The following MYO6 variants were observed in gnomAD, a reference collection of about 807,000 sequenced individuals.
MYO6 encodes the protein unconventional myosin-VI.
Under a neutral mutation model 178.7 loss-of-function variants are expected in MYO6, and 74 were observed. The ratio of observed to expected loss-of-function variants is 0.41; its 90% CI spans 0.34 to 0.50. The LOEUF (loss-of-function observed/expected upper bound fraction) is 0.50, where lower values mean the gene tolerates loss of function less well. Among genes scored for constraint, MYO6 ranks in the 20% least tolerant of loss-of-function variants. The pLI is 0.09. For synonymous variants in MYO6, 477 were observed against 504.6 expected (o/e 0.95, Z 0.73); for missense variants, 1,330 against 1,547.4 (o/e 0.86, Z 2.36).
intron 1 of MYO6, among the ~76,000 whole-genome samples, chr6:75,799,122 C>T (rs1011005638): frequency 3.3e-5 from 5 of 152,188 alleles, no homozygotes; most frequent in African/African-American, 9.6e-5. Flanking sequence ...GGCGCGGTGG[C>T]TCATGTCTGT....
chr6:75,812,338 G>A (rs1409161144), intron 1 of MYO6, among the ~76,000 whole-genome samples: 2 of 151,988 alleles, frequency 1.3e-5, no homozygotes, highest in African/African-American at 2.4e-5. Flanking sequence ...ATACATAGTA[G>A]GTGTGTATAT....
Position 75,919,517 on chromosome 6 carries a change from A to C in MYO6, c.*4505A>C, listed in dbSNP as rs1781318317. ...ATGTACTGGAAATACAAATAAATAA[A>C]TGCTCCCTGTGTAGAATTTCCACTT... On this transcript the variant is annotated 3_prime_UTR_variant, in exon 35 of 35. Coordinates refer to ENST00000369977, the MANE Select transcript of MYO6 (RefSeq NM_004999.4). The C allele has an allele frequency of 1.3e-5, 2 of 152,636 alleles. No individual in the cohort carries two copies. Among genetic ancestry groups the C allele is most frequent in the Admixed American group, 1.3e-4 (2 of 15,286 alleles). The allele number at this position is 152,636 out of a possible 1,614,324, so 9.5% of individuals were successfully genotyped here.
chr6:75,854,749 G>A (rs1215729970), intron 11 of MYO6, among the ~76,000 whole-genome samples: 1 of 152,052 alleles, frequency 6.6e-6, no homozygotes, highest in Non-Finnish European at 1.5e-5. Context: ...TACAGCGTTT[G>A]CACTAAAATT....
intron 1 of MYO6, among the ~76,000 whole-genome samples, chr6:75,774,815 C>T (rs539055600): frequency 4.7e-5 from 7 of 150,374 alleles, no homozygotes; most frequent in African/African-American, 7.3e-5. Context: ...TTTTTTTTGA[C>T]GGAGTCTCAC....
At chr6:75,820,877 T>C (rs1208985356) in intron 2 of MYO6, among the ~76,000 whole-genome samples, 1 of 152,164 alleles carries the variant, frequency 6.6e-6, no homozygotes, top group Non-Finnish European at 1.5e-5. Flanking sequence ...TTGTTTACTT[T>C]GTCTCTCCCT....
intron 1 of MYO6, among the ~76,000 whole-genome samples, chr6:75,805,977 T>A (rs552142289): frequency 4.5e-4 from 69 of 152,292 alleles, no homozygotes; most frequent in Non-Finnish European, 7.8e-4. Context: ...ATTGACCACA[T>A]GGATTTTCTG....
chr6:75,788,326 T>G (rs796490838), intron 1 of MYO6, among the ~76,000 whole-genome samples: 21 of 151,822 alleles, frequency 1.4e-4, no homozygotes, highest in African/African-American at 4.8e-4. Flanking sequence ...ATCGTGCCAC[T>G]GCACTCCAGC....
At chr6:75,896,871 G>T (rs963673010) in intron 29 of MYO6, among the ~76,000 whole-genome samples, 2 of 152,200 alleles carry the variant, frequency 1.3e-5, no homozygotes, top group Non-Finnish European at 2.9e-5. Flanking sequence ...AAATAAGCCC[G>T]CAATCAGTGT....
chr6:75,847,802 A>G (rs78554699), intron 10 of MYO6, among the ~76,000 whole-genome samples: 2,493 of 152,166 alleles, frequency 0.016, 73 homozygotes, highest in African/African-American at 0.057. Context: ...TAAAGGAGTC[A>G]TACTGATTGT....
At chr6:75,824,194 A>G (rs1772197714) in intron 3 of MYO6, among the ~76,000 whole-genome samples, 1 of 152,210 alleles carries the variant, frequency 6.6e-6, no homozygotes, top group Admixed American at 6.5e-5. Flanking sequence ...TAATATTTTA[A>G]AACATTCTCT....
At chr6:75,804,718 G>C (rs1457189134) in intron 1 of MYO6, among the ~76,000 whole-genome samples, 7 of 151,934 alleles carry the variant, frequency 4.6e-5, no homozygotes, top group Non-Finnish European at 1.0e-4. Context: ...CAGAATAAAT[G>C]ACTCCGTAAG....
At chr6:75,757,290 G>GTGTGTATATA (rs1398772876) in intron 1 of MYO6, among the ~76,000 whole-genome samples, 1 of 147,050 alleles carries the variant, frequency 6.8e-6, no homozygotes, top group Non-Finnish European at 1.5e-5. Flanking sequence ...CACAATATAT[G>GTGTGTATATA]TGTGTGTATG....
Position 75,914,840 on chromosome 6 carries a change from T to C in MYO6, c.3686T>C (p.Leu1229Pro), listed in dbSNP as rs1781028605. 1 of 1,614,034 alleles carries C rather than the reference T, an allele frequency of 6.2e-7. No individual in the cohort carries two copies. Among genetic ancestry groups the C allele is most frequent in the African/African-American group, 1.3e-5 (1 of 74,912 alleles). ...AGKDDMEMCE[L>P]NLEETGLTRK... The stretch of plus-strand genomic sequence containing the variant: ...AAGGACGACATGGAGATGTGTGAGC[T>C]GAATCTTGAGGAGACTGGCCTGACT... Residue 1229 changes from leucine to proline, a missense_variant, in exon 35 of 35, where the codon CTG (leucine) becomes CCG (proline). Physicochemically the swap from Leu to Pro is moderately conservative, Grantham distance 98. This residue lies in a region of MYO6 where 601 missense variants were observed against 626.1 expected (regional missense o/e 0.96). Transcript: ENST00000369977.
At chr6:75,856,484 C>CT (rs369616135) in intron 12 of MYO6, among the ~76,000 whole-genome samples, 2,517 of 138,652 alleles carry the variant, frequency 0.018, 49 homozygotes, top group African/African-American at 0.052. Flanking sequence ...ATTTGACTTT[C>CT]TTTTTTTTTT....
chr6:75,828,247 T>TC, intron 3 of MYO6, among the ~76,000 whole-genome samples: 1 of 152,306 alleles, frequency 6.6e-6, no homozygotes, highest in Admixed American at 6.5e-5. Flanking sequence ...AGTACTTTTT[T>TC]CCCTCTTGAA....
At chr6:75,750,704 G>C (rs965895107) in intron 1 of MYO6, among the ~76,000 whole-genome samples, 2 of 151,378 alleles carry the variant, frequency 1.3e-5, no homozygotes, top group Non-Finnish European at 2.9e-5. Flanking sequence ...TCAGCCGCCC[G>C]AGTGGCTGGG....
intron 15 of MYO6, among the ~76,000 whole-genome samples, chr6:75,861,356 G>A (rs1776202022): frequency 6.6e-6 from 1 of 152,114 alleles, no homozygotes. Context: ...ATGTGAATTG[G>A]TTAAGGGGGA....
chr6:75,812,469 A>G (rs1196086376), intron 1 of MYO6, among the ~76,000 whole-genome samples: 7 of 152,220 alleles, frequency 4.6e-5, no homozygotes, highest in Middle Eastern at 6.8e-3. Flanking sequence ...ATCCAAGTAT[A>G]CTATTTTAGT....
At position 75,915,072 on chromosome 6, in the gene MYO6, GC is replaced by G. The variant is rs1781051377; in HGVS notation, c.*65del. 2.7e-6 allele frequency: 4 copies of G among 1,471,830 alleles called. No homozygotes were observed. Among genetic ancestry groups the G allele is most frequent in the Admixed American group, 3.8e-5 (2 of 52,604 alleles). The allele number at this position is 1,471,830 out of a possible 1,614,324, so 91.2% of individuals were successfully genotyped here. On this transcript the variant is annotated 3_prime_UTR_variant, in exon 35 of 35. Coordinates refer to ENST00000369977, the MANE Select transcript of MYO6 (RefSeq NM_004999.4). ...GCCATGGTACTTAGGTAGGGTGTGT[GC>G]CCCCAGATTTAACCATTCCATAATC...
Sources: gnomAD v4.1 joint callset for allele counts (sites outside exome capture counted in the v4.1 genomes callset) on GRCh38, gnomAD v4.1.1 for gene constraint, gnomAD v4.1.1 regional missense constraint, MANE v1.5 for transcripts, NCBI Gene and HGNC (gene_info 2026-07-23, HGNC 2026-07-21) for gene names.